The following POR variants were observed in gnomAD, a reference collection of about 807,000 sequenced individuals.
The protein encoded by POR is cytochrome p450 oxidoreductase.
Under a neutral mutation model 84.0 loss-of-function variants are expected in POR, and 56 were observed. The observed-to-expected ratio is 0.67, with a 90% CI of 0.54 to 0.83. The LOEUF (loss-of-function observed/expected upper bound fraction) is 0.83. POR is among the 40% of genes least tolerant of loss of function. POR has a pLI of 0.00. For synonymous variants in POR, 414 were observed against 400.5 expected (o/e 1.03, Z -0.40); for missense variants, 938 against 944.3 (o/e 0.99, Z 0.09).
At chr7:75,965,743 C>T (rs1554555154) in intron 2 of POR, among the ~76,000 whole-genome samples, 1 of 152,176 alleles carries the variant, frequency 6.6e-6, no homozygotes, top group Non-Finnish European at 1.5e-5. Flanking sequence ...TGGAACAGCA[C>T]AGCAGGCTTT....
At position 75,986,176 on chromosome 7, in the gene POR, G is replaced by A. The variant is rs1789444704; in HGVS notation, c.1833G>A (p.Leu611=). 6.2e-7 allele frequency: 1 copy of A among 1,611,902 alleles called. No individual in the cohort carries two copies. The highest frequency in any genetic ancestry group is 8.5e-7 in the Non-Finnish European group (1 of 1,179,490). ...GGCCCCAGGTCTACGTCCAGCACCT[G>A]CTAAAGCAAGACCGAGAGCACCTGT... Residue 611 remains leucine (L), a synonymous_variant, in exon 15 of 16, where the codon CTG becomes CTA. Transcript: ENST00000461988.
Position 75,979,446 on chromosome 7 carries a change from C to T in POR, c.238-5C>T, listed in dbSNP as rs782035827. ...CCTCACCAACCCTGTGTCTGCCTTC[C>T]TTAGGGGAGGAACATCATCGTGTTC... On this transcript the variant is annotated splice_polypyrimidine_tract_variant and splice_region_variant and intron_variant, in intron 3 of 15. Coordinates refer to ENST00000461988, the MANE Select transcript of POR (RefSeq NM_000941.3). 1.1e-4 allele frequency: 170 copies of T among 1,612,398 alleles called. No individual in the cohort carries two copies. The highest frequency in any genetic ancestry group is 1.6e-4 in the Middle Eastern group (1 of 6,084).
rs376830846 is a variant in POR, at chr7:75,983,789, C to T, written c.999C>T (p.Leu333=). 4.2e-5 allele frequency: 67 copies of T among 1,612,258 alleles called. No homozygotes were observed. The highest frequency in any genetic ancestry group is 1.6e-4 in the Middle Eastern group (1 of 6,082). The change falls in exon 10 of 16, where the codon CTC becomes CTT. Residue 333 remains leucine (L), a synonymous_variant. Coordinates refer to ENST00000461988, the MANE Select transcript of POR (RefSeq NM_000941.3). ...TGTACCCAGCCAACGACTCTGCTCT[C>T]GTCAACCAGCTGGGCAAAATCCTGG...
intron 5 of POR, 111 bp downstream of exon 5, chr7:75,980,599 G>T (rs781784779): frequency 1.9e-6 from 3 of 1,602,838 alleles, no homozygotes; most frequent in Non-Finnish European, 2.5e-6. Context: ...CCTGTCCTCA[G>T]CAGCCAGGGC....
chr7:75,976,726 G>A (rs180869705), intron 3 of POR, among the ~76,000 whole-genome samples: 72 of 150,882 alleles, frequency 4.8e-4, no homozygotes, highest in African/African-American at 1.7e-3. Flanking sequence ...CAGCCTAGGC[G>A]ACAAGAGCAA....
At chr7:75,964,457 G>A (rs1425052832) in intron 2 of POR, among the ~76,000 whole-genome samples, 5 of 152,060 alleles carry the variant, frequency 3.3e-5, no homozygotes, top group Non-Finnish European at 7.4e-5. Flanking sequence ...ACAGGCGCCT[G>A]CCACCACACC....
In POR at chr7:75,929,694, A is replaced by G. The variant is rs139308656; in HGVS notation, c.-5+14515A>G. Among the ~76,000 whole-genome samples the G allele has an allele frequency of 3.7e-3, 557 of 152,318 alleles. 6 individuals carry two copies. The highest frequency in any genetic ancestry group is 0.013 in the African/African-American group (531 of 41,580). On this transcript the variant is annotated intron_variant, in intron 1 of 15. Transcript: ENST00000461988. ...GGCCATCTGGCTTGTCTGTCTCATT[A>G]GTACCATTGTTCCCTGTCAGCTTGT...
chr7:75,961,865 T>C (rs909607587), intron 2 of POR, among the ~76,000 whole-genome samples: 23 of 152,140 alleles, frequency 1.5e-4, no homozygotes, highest in African/African-American at 5.5e-4. Context: ...AACACAAACA[T>C]TAGTCAAGTG....
chr7:75,932,835 T>C (rs1199053606), intron 1 of POR, among the ~76,000 whole-genome samples: 2 of 151,960 alleles, frequency 1.3e-5, no homozygotes, highest in Admixed American at 6.6e-5. Flanking sequence ...CTGGCCAACA[T>C]AGTGAAACCC....
At chr7:75,969,927 G>A (rs1788354700) in intron 2 of POR, among the ~76,000 whole-genome samples, 2 of 152,220 alleles carry the variant, frequency 1.3e-5, no homozygotes, top group African/African-American at 4.8e-5. Context: ...CGACCAGTGT[G>A]TGTGCCACAG....
chr7:75,970,034 A>C (rs1371874633), intron 2 of POR, among the ~76,000 whole-genome samples: 2 of 152,120 alleles, frequency 1.3e-5, no homozygotes, highest in Admixed American at 6.5e-5. Flanking sequence ...AGAAGGTGGG[A>C]AGGGGTCACA....
chr7:75,958,341 C>T (rs1026707338), intron 2 of POR, among the ~76,000 whole-genome samples: 10 of 152,060 alleles, frequency 6.6e-5, no homozygotes. Flanking sequence ...TGGTCTGAAA[C>T]TCCTGGGCTC....
chr7:75,972,741 G>C, intron 3 of POR: 1 of 516,790 alleles, frequency 1.9e-6, no homozygotes, highest in African/African-American at 1.9e-5. Flanking sequence ...CTCCCGTCTG[G>C]CCCTGGCCTG....
At chr7:75,985,016 C>T (rs572367825) in intron 11 of POR, 42 bp from the exon 12 acceptor site, 17 of 1,580,954 alleles carry the variant, frequency 1.1e-5, no homozygotes, top group Middle Eastern at 1.7e-4. Flanking sequence ...TTCCGAGCTC[C>T]GTGGGCCCCA....
At chr7:75,924,532 T>A (rs1483100601) in intron 1 of POR, among the ~76,000 whole-genome samples, 1 of 152,014 alleles carries the variant, frequency 6.6e-6, no homozygotes, top group East Asian at 1.9e-4. Context: ...AAAATTAGTG[T>A]TTTTAAACAT....
At chr7:75,967,342 C>T (rs1395817311) in intron 2 of POR, among the ~76,000 whole-genome samples, 1 of 152,176 alleles carries the variant, frequency 6.6e-6, no homozygotes, top group Non-Finnish European at 1.5e-5. Context: ...GACAGAACAT[C>T]ACCACTGCAA....
chr7:75,968,044 C>G (rs1554555543), intron 2 of POR: 2 of 455,006 alleles, frequency 4.4e-6, no homozygotes, highest in Admixed American at 4.7e-5. Flanking sequence ...CTGTGACCCT[C>G]CTTTTTCCTT....
chr7:75,950,038 A>AT lies in POR; in HGVS notation c.-4-3939dup, dbSNP rs1255870554. On this transcript the variant is annotated intron_variant, in intron 1 of 15. Transcript: ENST00000461988. ...CCACCACGCCTGGCTAATTTCTTGT[A>AT]TTTTTTTTTTTTAAGTAGAGACGGG... 4.4e-3 allele frequency among the ~76,000 whole-genome samples: 614 copies of AT among 139,412 alleles called. 2 individuals are homozygous for AT. Among genetic ancestry groups the AT allele is most frequent in the African/African-American group, 0.014 (533 of 37,850 alleles). 91.5% of individuals were successfully genotyped at this position (139,412 alleles called of 152,430 possible). A position where few individuals can be genotyped will look rare whatever the true frequency, so the allele number is the denominator to read the frequency against.
chr7:75,981,787 T>C, intron 7 of POR, 181 bp downstream of exon 7: 2 of 605,406 alleles, frequency 3.3e-6, no homozygotes, highest in South Asian at 2.1e-5. Context: ...TGCACTGCCC[T>C]GGGGCAGCGG....
Sources: gnomAD v4.1 joint callset for allele counts (sites outside exome capture counted in the v4.1 genomes callset) on GRCh38, gnomAD v4.1.1 for gene constraint, MANE v1.5 for transcripts, NCBI Gene and HGNC (gene_info 2026-07-23, HGNC 2026-07-21) for gene names.